Variants in SGCZ observed in about 807,000 individuals in gnomAD.
The protein encoded by SGCZ is sarcoglycan zeta, also known as zeta-sarcoglycan.
SGCZ carries 40 observed loss-of-function variants against 41.3 expected under a neutral mutation model. That is an observed-to-expected ratio of 0.97 (90% CI 0.75 to 1.26). SGCZ has a LOEUF of 1.26. Among genes scored for constraint, SGCZ ranks in the 50% most tolerant of loss-of-function variants. The probability of loss-of-function intolerance (pLI) is 0.00; values close to 1 mark genes in which losing one functional copy is unlikely to be tolerated. For missense variants in SGCZ, 552 were observed against 369.8 expected (o/e 1.49, Z -4.04); for synonymous variants, 206 against 137.5 (o/e 1.50, Z -3.49).
chr8:14,562,916 T>C (rs1585082410), intron 1 of SGCZ, among the ~76,000 whole-genome samples: 1 of 152,248 alleles, frequency 6.6e-6, no homozygotes, highest in East Asian at 1.9e-4. Flanking sequence ...GCAGAGGAAC[T>C]AGAGACAATG....
At chr8:14,613,430 T>C (rs1406277121) in intron 1 of SGCZ, among the ~76,000 whole-genome samples, 1 of 152,174 alleles carries the variant, frequency 6.6e-6, no homozygotes, top group Non-Finnish European at 1.5e-5. Context: ...AGATAAAATC[T>C]ATAAATCATG....
At chr8:15,118,880 T>C (rs1335267574) in intron 1 of SGCZ, among the ~76,000 whole-genome samples, 1 of 152,186 alleles carries the variant, frequency 6.6e-6, no homozygotes, top group East Asian at 1.9e-4. Context: ...GTATTGGCTT[T>C]TTAAAGGAGT....
chr8:14,123,255 C>T (rs184089906), intron 5 of SGCZ, among the ~76,000 whole-genome samples: 17 of 151,984 alleles, frequency 1.1e-4, no homozygotes, highest in Admixed American at 5.2e-4. Context: ...TCTTAAAGAC[C>T]GAAAATAACA....
At chr8:14,635,063 TAA>T (rs1415578054) in intron 1 of SGCZ, among the ~76,000 whole-genome samples, 4 of 131,618 alleles carry the variant, frequency 3.0e-5, no homozygotes, top group Non-Finnish European at 3.4e-5. Context: ...AATAGTATTA[TAA>T]TTTAAAAACA....
chr8:15,054,904 G>C (rs1028328201), intron 1 of SGCZ, among the ~76,000 whole-genome samples: 10 of 150,498 alleles, frequency 6.6e-5, no homozygotes, highest in African/African-American at 2.0e-4. Flanking sequence ...AGAGCTTGCA[G>C]TGAGTCAAAA....
chr8:14,873,328 CAG>C (rs1804234183), intron 1 of SGCZ, among the ~76,000 whole-genome samples: 1 of 152,084 alleles, frequency 6.6e-6, no homozygotes, highest in Non-Finnish European at 1.5e-5. Context: ...ATTGCCTTAA[CAG>C]AGTAATATCA....
chr8:14,572,605 G>A (rs1804588671), intron 1 of SGCZ, among the ~76,000 whole-genome samples: 1 of 152,138 alleles, frequency 6.6e-6, no homozygotes, highest in Non-Finnish European at 1.5e-5. Context: ...AGACATAGGA[G>A]GAGGCTTTTG....
chr8:14,457,366 G>A (rs1372328389), intron 2 of SGCZ, among the ~76,000 whole-genome samples: 1 of 152,204 alleles, frequency 6.6e-6, no homozygotes, highest in Non-Finnish European at 1.5e-5. Context: ...TTACCAGGTG[G>A]ATCATGGTCC....
intron 1 of SGCZ, among the ~76,000 whole-genome samples, chr8:14,928,376 T>G (rs1799825555): frequency 6.6e-6 from 1 of 150,860 alleles, no homozygotes; most frequent in African/African-American, 2.4e-5. Context: ...TGGTTACTCT[T>G]CTTACATTCT....
intron 1 of SGCZ, among the ~76,000 whole-genome samples, chr8:15,079,802 G>T (rs1170827907): frequency 6.6e-6 from 1 of 152,138 alleles, no homozygotes; most frequent in South Asian, 2.1e-4. Flanking sequence ...GTGACACTGA[G>T]GTTTGGGCTT....
chr8:14,257,176 A>C (rs1799494470), intron 3 of SGCZ, among the ~76,000 whole-genome samples: 1 of 151,916 alleles, frequency 6.6e-6, no homozygotes, highest in African/African-American at 2.4e-5. Flanking sequence ...AAAAAACAAA[A>C]ATTAGCTAGG....
chr8:15,095,190 C>T (rs1806298721), intron 1 of SGCZ, among the ~76,000 whole-genome samples: 1 of 152,112 alleles, frequency 6.6e-6, no homozygotes, highest in Non-Finnish European at 1.5e-5. Context: ...CCTCCATCTC[C>T]CGGGTTCAAG....
At chr8:15,188,081 A>G (rs1051062591) in intron 1 of SGCZ, among the ~76,000 whole-genome samples, 2 of 151,988 alleles carry the variant, frequency 1.3e-5, no homozygotes, top group Admixed American at 6.6e-5. Context: ...AATTTTAACC[A>G]TGTCTACATA....
rs59543494 is a variant in SGCZ at position 14,978,470 on chromosome 8, C to CAAAAAAAAAAA, written c.39+259104_39+259114dup. Among the ~76,000 whole-genome samples the CAAAAAAAAAAA allele has an allele frequency of 6.4e-4, 40 of 62,822 alleles. 5 individuals are homozygous for CAAAAAAAAAAA. Among genetic ancestry groups the CAAAAAAAAAAA allele is most frequent in the African/African-American group, 2.7e-3 (32 of 12,052 alleles). The allele number at this position is 62,822 out of a possible 152,430, so 41.2% of individuals were successfully genotyped here. ...TGGAGGACCGAGTGAGACACCGTCA[C>CAAAAAAAAAAA]AAAAAAAAAAAAAAAAAAAAAAAAA... On this transcript the variant is annotated intron_variant, in intron 1 of 7. Coordinates refer to ENST00000382080, the MANE Select transcript of SGCZ (RefSeq NM_139167.4).
intron 1 of SGCZ, among the ~76,000 whole-genome samples, chr8:14,892,582 T>C (rs1331257490): frequency 6.6e-6 from 1 of 152,196 alleles, no homozygotes; most frequent in African/African-American, 2.4e-5. Context: ...TAGTTTATTA[T>C]TTGATATATT....
intron 1 of SGCZ, among the ~76,000 whole-genome samples, chr8:15,057,610 G>T (rs538749987): frequency 6.6e-6 from 1 of 152,120 alleles, no homozygotes; most frequent in Non-Finnish European, 1.5e-5. Flanking sequence ...GATAATAGAC[G>T]TAGGCACAGA....
chr8:14,424,116 G>A (rs940603295), intron 2 of SGCZ, among the ~76,000 whole-genome samples: 1 of 152,072 alleles, frequency 6.6e-6, no homozygotes, highest in East Asian at 1.9e-4. Flanking sequence ...CAGCCAGGGG[G>A]AAATTTTTAA....
chr8:14,437,009 A>G (rs1585511317), intron 2 of SGCZ, among the ~76,000 whole-genome samples: 2 of 151,436 alleles, frequency 1.3e-5, no homozygotes, highest in South Asian at 2.1e-4. Flanking sequence ...AAATAGATTC[A>G]TCCTTTACCA....
chr8:14,439,015 G>T (rs1044733270), intron 2 of SGCZ, among the ~76,000 whole-genome samples: 1 of 151,830 alleles, frequency 6.6e-6, no homozygotes, highest in Admixed American at 6.6e-5. Flanking sequence ...GATCTTTCAC[G>T]AAGCTTCCTC....
Sources: gnomAD v4.1 joint callset for allele counts (sites outside exome capture counted in the v4.1 genomes callset) on GRCh38, gnomAD v4.1.1 for gene constraint, MANE v1.5 for transcripts, NCBI Gene and HGNC (gene_info 2026-07-23, HGNC 2026-07-21) for gene names.